The following PRICKLE2 variants were observed in gnomAD, a reference collection of about 807,000 sequenced individuals.
PRICKLE2 encodes the protein prickle planar cell polarity protein 2, also known as prickle-like protein 2.
In PRICKLE2, 21 loss-of-function variants were observed where a neutral mutation model predicts 81.4. That is an observed-to-expected ratio of 0.26 (90% confidence interval 0.18 to 0.37). The LOEUF (loss-of-function observed/expected upper bound fraction) is 0.37. Ranked by LOEUF, PRICKLE2 falls within the 10% of genes least tolerant of loss-of-function variation. PRICKLE2 has a pLI of 1.00. For missense variants in PRICKLE2, 940 were observed against 1,109.0 expected (o/e 0.85, Z 2.16); for synonymous variants, 456 against 421.5 (o/e 1.08, Z -1.00).
intron 2 of PRICKLE2, among the ~76,000 whole-genome samples, chr3:64,263,155 C>T (rs1000457064): frequency 6.6e-6 from 1 of 152,180 alleles, no homozygotes; most frequent in Non-Finnish European, 1.5e-5. Flanking sequence ...AAGAGCAATT[C>T]ACCAAACAGG....
intron 2 of PRICKLE2, among the ~76,000 whole-genome samples, chr3:64,254,721 C>G (rs532688102): frequency 2.0e-5 from 3 of 152,318 alleles, no homozygotes; most frequent in Admixed American, 6.5e-5. Flanking sequence ...ATTAATCATT[C>G]CTTCTGTTGT....
chr3:64,147,596 G>A lies in PRICKLE2; in HGVS notation c.894C>T (p.Leu298=), dbSNP rs372232760. The A allele has an allele frequency of 1.1e-5, 17 of 1,614,130 alleles. No homozygotes were observed. The highest frequency in any genetic ancestry group is 6.7e-5 in the African/African-American group (5 of 74,948). ...CKKSLLGRPF[L]PKQGQIFCSR... is the part of the protein sequence containing the mutation. ...AGCAGAATATCTGGCCCTGCTTCGG[G>A]AGGAATGGCCGCCCCAGGAGGGATT... Residue 298 remains leucine, a synonymous_variant, in exon 7 of 8, where the codon CTC becomes CTT. Transcript: ENST00000638394. This position sits in a 1 kb window ranked among gnomAD's most constrained non-coding sequence, Gnocchi z 5.0.
At chr3:64,158,497 G>A (rs570945475) in intron 4 of PRICKLE2, among the ~76,000 whole-genome samples, 6 of 152,254 alleles carry the variant, frequency 3.9e-5, no homozygotes, top group African/African-American at 9.6e-5. Flanking sequence ...AAAGTAACAC[G>A]GTCAAGGTCA....
At position 64,224,973 on chromosome 3, in the gene PRICKLE2, A is replaced by G. The variant is rs1160592660; in HGVS notation, c.-104T>C. 1.3e-5 allele frequency: 13 copies of G among 985,146 alleles called. No homozygotes were observed. Among genetic ancestry groups the G allele is most frequent in the East Asian group, 1.1e-4 (1 of 8,794 alleles). 61.0% of individuals were successfully genotyped at this position (985,146 alleles called of 1,614,324 possible). A position where few individuals can be genotyped will look rare whatever the true frequency, so the allele number is the denominator to read the frequency against. ...TCTGCCAGACCCTTGGAGCTTGTCA[A>G]TTGTCCCAGTTCACTTTCTCCCTGG... is the stretch of plus-strand genomic sequence containing the variant. On this transcript the variant is annotated 5_prime_UTR_variant, in exon 1 of 8. Transcript: ENST00000638394.
chr3:64,177,296 C>T (rs923447908), intron 2 of PRICKLE2, among the ~76,000 whole-genome samples: 14 of 151,714 alleles, frequency 9.2e-5, no homozygotes, highest in Non-Finnish European at 1.6e-4. Flanking sequence ...CCACCACACC[C>T]GGCTAGTTTT....
intron 6 of PRICKLE2, among the ~76,000 whole-genome samples, chr3:64,152,754 C>T (rs2077567814): frequency 6.6e-6 from 1 of 152,076 alleles, no homozygotes; most frequent in South Asian, 2.1e-4. Context: ...GGCACATAGT[C>T]CCCACTTGGA....
chr3:64,144,702 T>G (rs959500389), intron 7 of PRICKLE2, among the ~76,000 whole-genome samples: 9 of 152,202 alleles, frequency 5.9e-5, no homozygotes, highest in Non-Finnish European at 1.3e-4. Flanking sequence ...ACCAGTTTGT[T>G]TTCATTTTCA....
intron 7 of PRICKLE2, among the ~76,000 whole-genome samples, chr3:64,116,822 G>A (rs1255547515): frequency 2.0e-5 from 3 of 152,158 alleles, no homozygotes; most frequent in East Asian, 3.9e-4. Flanking sequence ...CTGAGGAGGA[G>A]TGACTCCTCC....
chr3:64,156,829 A>C (rs1427242095), intron 5 of PRICKLE2, among the ~76,000 whole-genome samples: 1 of 152,234 alleles, frequency 6.6e-6, no homozygotes, highest in Non-Finnish European at 1.5e-5. Context: ...ATTAGGGTTA[A>C]TATCTAAAGA....
chr3:64,121,041 C>A lies in PRICKLE2; in HGVS notation c.1661-21116G>T, dbSNP rs116151814. On this transcript the variant is annotated intron_variant, in intron 7 of 7. Coordinates refer to ENST00000638394, the MANE Select transcript of PRICKLE2 (RefSeq NM_198859.4). ...AATCTCTGTCTCAGCCAGCCTGTGC[C>A]CTTCGTCTGGCTTCCTGAGGCAACG... Among the ~76,000 whole-genome samples, 253 of 152,298 alleles carry A rather than the reference C, an allele frequency of 1.7e-3. 1 individual carries two copies. Among genetic ancestry groups the A allele is most frequent in the Middle Eastern group, 0.01 (3 of 294 alleles).
At chr3:64,192,727 T>G (rs2078366567) in intron 2 of PRICKLE2, among the ~76,000 whole-genome samples, 2 of 152,242 alleles carry the variant, frequency 1.3e-5, no homozygotes, top group Non-Finnish European at 2.9e-5. Flanking sequence ...GTATCTACCC[T>G]TCATCCTTCC....
chr3:64,233,422 T>A (rs2079134226), intron 2 of PRICKLE2, among the ~76,000 whole-genome samples: 1 of 152,220 alleles, frequency 6.6e-6, no homozygotes, highest in Admixed American at 6.5e-5. Flanking sequence ...TCTCCGACAC[T>A]ATCTCCTGCT....
chr3:64,228,317 G>A (rs1331910748), upstream of PRICKLE2, among the ~76,000 whole-genome samples: 1 of 152,138 alleles, frequency 6.6e-6, no homozygotes, highest in Admixed American at 6.5e-5. Context: ...CAGGAGGCAT[G>A]CAGAGTCCTC....
Position 64,092,909 on chromosome 3 carries a change from T to G in PRICKLE2, c.*6142A>C, listed in dbSNP as rs778183045. 2.0e-5 allele frequency: 3 copies of G among 152,252 alleles called. No homozygotes were observed. The highest frequency in any genetic ancestry group is 7.2e-5 in the African/African-American group (3 of 41,462). The allele number at this position is 152,252 out of a possible 1,614,324, so 9.4% of individuals were successfully genotyped here. On this transcript the variant is annotated 3_prime_UTR_variant, in exon 8 of 8. Transcript: ENST00000638394. ...TATAAAATTTACCATCTTAACCACT[T>G]TTAAGTGTACAGTTCAGTAGTATTA...
chr3:64,117,531 A>G (rs2076954904), intron 7 of PRICKLE2, among the ~76,000 whole-genome samples: 1 of 152,220 alleles, frequency 6.6e-6, no homozygotes, highest in African/African-American at 2.4e-5. Context: ...ATGTGGAAAA[A>G]TCACTAGCAT....
rs2079454165 is a variant in PRICKLE2 at position 64,252,059 on chromosome 3, G to T, written c.129-53092C>A. On this transcript the variant is annotated intron_variant, in intron 2 of 8. Coordinates refer to the PRICKLE2 transcript ENST00000295902. ...TCACATTTTAATGGAACACACTGGA[G>T]ACATGGCAAAGTGATTAAGAATGCA... 3.9e-5 allele frequency among the ~76,000 whole-genome samples: 6 copies of T among 152,130 alleles called. No homozygotes were observed. In the South Asian group the frequency reaches 1.2e-3, roughly 32 times the overall value.
chr3:64,175,828 T>C (rs1224913728), intron 2 of PRICKLE2, among the ~76,000 whole-genome samples: 2 of 152,306 alleles, frequency 1.3e-5, no homozygotes, highest in East Asian at 1.9e-4. Context: ...CTGTACATAA[T>C]TGTCAGATTA....
At chr3:64,266,871 T>G (rs1043418632) in intron 2 of PRICKLE2, among the ~76,000 whole-genome samples, 1 of 151,372 alleles carries the variant, frequency 6.6e-6, no homozygotes, top group Admixed American at 6.6e-5. Flanking sequence ...TGGGCGGAAA[T>G]GGAATTTGGC....
chr3:64,179,914 G>C (rs1207779924), intron 2 of PRICKLE2, among the ~76,000 whole-genome samples: 1 of 152,170 alleles, frequency 6.6e-6, no homozygotes, highest in Admixed American at 6.5e-5. Context: ...CCCAAAACTA[G>C]TCAAAGGATT....
Sources: allele counts gnomAD v4.1 joint callset (sites outside exome capture counted in the v4.1 genomes callset), GRCh38; gene constraint gnomAD v4.1.1; non-coding constraint Gnocchi (gnomAD v3.1); transcripts MANE v1.5; gene names NCBI Gene and HGNC (gene_info 2026-07-23, HGNC 2026-07-21).